The following PKIB variants were observed in gnomAD, a reference collection of about 807,000 sequenced individuals.
PKIB encodes cAMP-dependent protein kinase inhibitor beta.
Under a neutral mutation model 4.5 loss-of-function variants are expected in PKIB, and 2 were observed. The ratio of observed to expected loss-of-function variants is 0.44; its 90% CI spans 0.18 to 1.39. The LOEUF (loss-of-function observed/expected upper bound fraction) is 1.39. PKIB is among the 40% of genes most tolerant of loss of function. PKIB has a pLI of 0.27. For missense variants in PKIB, 94 were observed against 92.6 expected (o/e 1.02, Z -0.06); for synonymous variants, 38 against 36.0 (o/e 1.06, Z -0.20).
chr6:122,495,014 G>T (rs1244626070), intron 2 of PKIB, among the ~76,000 whole-genome samples: 1 of 152,210 alleles, frequency 6.6e-6, no homozygotes, highest in Non-Finnish European at 1.5e-5. Context: ...AACAGTTATA[G>T]CCCTGCTAGA....
chr6:122,575,663 T>C (rs1773509155), intron 2 of PKIB, among the ~76,000 whole-genome samples: 1 of 152,158 alleles, frequency 6.6e-6, no homozygotes, highest in Non-Finnish European at 1.5e-5. Flanking sequence ...GAAGTAATGC[T>C]GGAATGGGAA....
chr6:122,661,582 T>G (rs975980439), intron 2 of PKIB, among the ~76,000 whole-genome samples: 4 of 152,246 alleles, frequency 2.6e-5, no homozygotes, highest in African/African-American at 4.8e-5. Flanking sequence ...ACATTTTATT[T>G]ACACATTTAT....
At chr6:122,569,080 A>T (rs1773281574) in intron 2 of PKIB, among the ~76,000 whole-genome samples, 1 of 152,144 alleles carries the variant, frequency 6.6e-6, no homozygotes, top group Non-Finnish European at 1.5e-5. Context: ...CAGTAGCCTG[A>T]AACCCTCTCC....
At chr6:122,627,369 G>A (rs1775497248) in intron 1 of PKIB, among the ~76,000 whole-genome samples, 1 of 151,912 alleles carries the variant, frequency 6.6e-6, no homozygotes, top group Non-Finnish European at 1.5e-5. Context: ...TTAAATGCAT[G>A]AGTTCAAATG....
intron 2 of PKIB, among the ~76,000 whole-genome samples, chr6:122,527,292 C>G (rs1322381132): frequency 3.3e-5 from 5 of 152,054 alleles, no homozygotes; most frequent in African/African-American, 1.2e-4. Flanking sequence ...TAGAGTAGCA[C>G]TTTTCGTTTT....
intron 2 of PKIB, among the ~76,000 whole-genome samples, chr6:122,537,724 C>G (rs1777450263): frequency 6.6e-6 from 1 of 152,080 alleles, no homozygotes; most frequent in African/African-American, 2.4e-5. Context: ...AAGGGTATTT[C>G]TAGTTCTAGA....
At chr6:122,561,988 GTTTTTGTTTTTT>G (rs1773028880) in intron 2 of PKIB, among the ~76,000 whole-genome samples, 1 of 24,276 alleles carries the variant, frequency 4.1e-5, no homozygotes, top group Non-Finnish European at 8.3e-5. Flanking sequence ...TTTTTTGTTT[GTTTTTGTTTTTT>G]TTTGTTTTTT....
At chr6:122,711,286 T>C (rs1213399076) in intron 3 of PKIB, among the ~76,000 whole-genome samples, 2 of 152,174 alleles carry the variant, frequency 1.3e-5, no homozygotes, top group Admixed American at 1.3e-4. Context: ...GCTGGGTTTG[T>C]TTTTGTTTTT....
intron 2 of PKIB, chr6:122,531,542 A>G (rs1293284277): frequency 6.6e-6 from 1 of 152,120 alleles, no homozygotes; most frequent in Non-Finnish European, 1.5e-5. Flanking sequence ...GGTTCTTTAA[A>G]TGTTCTTTAT....
intron 3 of PKIB, among the ~76,000 whole-genome samples, chr6:122,706,517 C>T (rs1056080035): frequency 2.6e-5 from 4 of 152,114 alleles, no homozygotes; most frequent in Non-Finnish European, 5.9e-5. Flanking sequence ...TGAGTCTGTG[C>T]TCAATAAATG....
intron 1 of PKIB, among the ~76,000 whole-genome samples, chr6:122,625,853 G>A (rs1259049377): frequency 6.6e-6 from 1 of 151,766 alleles, no homozygotes; most frequent in African/African-American, 2.4e-5. Flanking sequence ...TGCTTAGCTT[G>A]AGCCCAGGAG....
At chr6:122,508,836 C>T (rs1288171337) in intron 2 of PKIB, among the ~76,000 whole-genome samples, 4 of 151,880 alleles carry the variant, frequency 2.6e-5, no homozygotes, top group Admixed American at 1.3e-4. Flanking sequence ...CTGCAAGCTC[C>T]GCCTCCTGGG....
chr6:122,510,441 C>A (rs987800462), intron 2 of PKIB, among the ~76,000 whole-genome samples: 1 of 152,020 alleles, frequency 6.6e-6, no homozygotes, highest in South Asian at 2.1e-4. Context: ...TTGTTATTAA[C>A]GGCAGGGATG....
intron 2 of PKIB, among the ~76,000 whole-genome samples, chr6:122,637,688 G>A (rs867639042): frequency 4.0e-5 from 6 of 151,542 alleles, no homozygotes; most frequent in African/African-American, 9.7e-5. Context: ...CTCAGGAGAC[G>A]GAGCTTGCAG....
chr6:122,597,924 A>G (rs543187968), intron 3 of PKIB, among the ~76,000 whole-genome samples: 11 of 152,296 alleles, frequency 7.2e-5, no homozygotes, highest in African/African-American at 2.6e-4. Context: ...TAACTGGAGG[A>G]ACACAGTGAC....
At chr6:122,551,874 C>CTTTTTTTTTTTTTTTTTTTTTTTTTT (rs61025863) in intron 2 of PKIB, among the ~76,000 whole-genome samples, 4 of 87,518 alleles carry the variant, frequency 4.6e-5, no homozygotes, top group Non-Finnish European at 8.5e-5. Flanking sequence ...CTTAGTACAT[C>CTTTTTTTTTTTTTTTTTTTTTTTTTT]TTTTTTTTTT....
intron 2 of PKIB, among the ~76,000 whole-genome samples, chr6:122,504,425 T>C (rs1051220709): frequency 6.6e-6 from 1 of 152,228 alleles, no homozygotes; most frequent in African/African-American, 2.4e-5. Flanking sequence ...ATTTACTGTG[T>C]TCCAAATGGT....
intron 2 of PKIB, among the ~76,000 whole-genome samples, chr6:122,568,612 C>T (rs372078345): frequency 5.1e-4 from 78 of 152,314 alleles, no homozygotes; most frequent in African/African-American, 1.8e-3. Context: ...CTGACTATAT[C>T]TCACAGGGGC....
rs1168813080 is a variant in PKIB, at chr6:122,699,932, A to T, written c.-8-17855A>T. ...CAGAACTCCCCTAATGTTATGGGGGATACCATGTTTAAATTTAGGAAGATC... is the reference window on the plus strand; with the variant it reads ...CAGAACTCCCCTAATGTTATGGGGGTTACCATGTTTAAATTTAGGAAGATC... On this transcript the variant is annotated intron_variant, in intron 3 of 4. Transcript: ENST00000368452. 5.3e-5 allele frequency among the ~76,000 whole-genome samples: 8 copies of T among 152,094 alleles called. No individual in the cohort carries two copies. The East Asian group carries it at 1.5e-3, about 29-fold the overall frequency.
Sources: allele counts gnomAD v4.1 joint callset (sites outside exome capture counted in the v4.1 genomes callset), GRCh38; gene constraint gnomAD v4.1.1; transcripts MANE v1.5; gene names NCBI Gene and HGNC (gene_info 2026-07-23, HGNC 2026-07-21).